GNG7: variants seen among roughly 807,000 people sequenced by gnomAD.
GNG7 encodes the protein G protein subunit gamma 7, also known as guanine nucleotide-binding protein G(I)/G(S)/G(O) subunit gamma-7.
In GNG7, 1 loss-of-function variant was observed where a neutral mutation model predicts 4.0. The observed-to-expected ratio is 0.25, with a 90% CI of 0.09 to 1.18. GNG7 has a LOEUF of 1.18. Ranked by LOEUF, GNG7 falls within the 50% of genes most tolerant of loss-of-function variation. The pLI is 0.50. For synonymous variants in GNG7, 34 were observed against 36.9 expected (o/e 0.92, Z 0.29); for missense variants, 86 against 91.9 (o/e 0.94, Z 0.26).
At position 2,613,118 on chromosome 19, in the gene GNG7, C is replaced by A. The variant is rs564301251; in HGVS notation, c.-78+33106G>T. Among the ~76,000 whole-genome samples, 49 of 151,950 alleles carry A rather than the reference C, an allele frequency of 3.2e-4. 1 individual carries two copies. Among genetic ancestry groups the A allele is most frequent in the African/African-American group, 1.2e-3 (48 of 41,286 alleles). On this transcript the variant is annotated intron_variant, in intron 2 of 4. Coordinates refer to ENST00000382159, the MANE Select transcript of GNG7 (RefSeq NM_052847.3). ...AGGGAAAGGGATGGTGTTTAAGGGA[C>A]GTGGAAAAGGAATTCAGACAAAGAA... is the stretch of plus-strand genomic sequence containing the variant.
chr19:2,692,465 C>G (rs1468952335), intron 1 of GNG7, among the ~76,000 whole-genome samples: 2 of 151,936 alleles, frequency 1.3e-5, no homozygotes, highest in Non-Finnish European at 2.9e-5. Context: ...GAAACCCCAT[C>G]TCTACTAAAA....
chr19:2,567,889 C>T (rs1005240232), intron 2 of GNG7, among the ~76,000 whole-genome samples: 2 of 152,158 alleles, frequency 1.3e-5, no homozygotes, highest in Middle Eastern at 3.2e-3. Context: ...CCGGGCACCA[C>T]GCGCTCAGGC....
At chr19:2,654,053 G>A (rs962088378) in intron 1 of GNG7, among the ~76,000 whole-genome samples, 1 of 152,178 alleles carries the variant, frequency 6.6e-6, no homozygotes, top group Non-Finnish European at 1.5e-5. Flanking sequence ...TGGCGGGGGC[G>A]GGGCCGTGTC....
Position 2,520,649 on chromosome 19 carries a change from C to G in GNG7, c.40G>C (p.Val14Leu). Reference sequence around the variant, plus strand: ...CCGGCTTCTATGCGTAGCTGTTCCACCAGCTTCCGGGCCTGGGCTATGTTG... The same window carrying G: ...CCGGCTTCTATGCGTAGCTGTTCCAGCAGCTTCCGGGCCTGGGCTATGTTG... ...TNNIAQARKL[V>L]EQLRIEAGIE... is the part of the protein sequence containing the mutation. Residue 14 changes from valine (V) to leucine (L), a missense_variant, in exon 4 of 5, where the codon GTG (valine) becomes CTG (leucine). By Grantham distance (32) the Val-to-Leu change is conservative. Transcript: ENST00000382159. The G allele has an allele frequency of 1.9e-6, 3 of 1,552,522 alleles. No individual in the cohort carries two copies. Among genetic ancestry groups the G allele is most frequent in the Non-Finnish European group, 2.6e-6 (3 of 1,145,306 alleles).
rs1178716537 is a variant in GNG7 at position 2,514,838 on chromosome 19, C to G, written c.*184G>C. Reference sequence around the variant, plus strand: ...ACCTACAAGGTCCATTCTACCCCATCCGGGCGGTGGGAACGCCTTTTTTGG... The same window carrying G: ...ACCTACAAGGTCCATTCTACCCCATGCGGGCGGTGGGAACGCCTTTTTTGG... On this transcript the variant is annotated 3_prime_UTR_variant, in exon 5 of 5. Coordinates refer to ENST00000382159, the MANE Select transcript of GNG7 (RefSeq NM_052847.3). The G allele has an allele frequency of 1.6e-5, 9 of 558,668 alleles. No homozygotes were observed. Among genetic ancestry groups the G allele is most frequent in the Non-Finnish European group, 2.9e-5 (9 of 313,314 alleles). 34.6% of individuals were successfully genotyped at this position (558,668 alleles called of 1,614,324 possible).
intron 1 of GNG7, among the ~76,000 whole-genome samples, chr19:2,648,296 C>T (rs916507727): frequency 3.3e-5 from 5 of 150,066 alleles, no homozygotes; most frequent in African/African-American, 4.9e-5. Context: ...CTTGGGAGGC[C>T]GAGGCAGGAG....
chr19:2,620,125 AGGT>A (rs1299012618), intron 2 of GNG7, among the ~76,000 whole-genome samples: 1 of 150,488 alleles, frequency 6.6e-6, no homozygotes, highest in South Asian at 2.1e-4. Flanking sequence ...TGAACCCGGG[AGGT>A]AGAGGTTGCA....
intron 2 of GNG7, among the ~76,000 whole-genome samples, chr19:2,638,103 G>A (rs1310174084): frequency 6.6e-6 from 1 of 151,892 alleles, no homozygotes; most frequent in African/African-American, 2.4e-5. Flanking sequence ...GGTGGCTCAC[G>A]CCTGTCACCC....
intron 4 of GNG7, among the ~76,000 whole-genome samples, chr19:2,516,748 G>A (rs1380941159): frequency 1.3e-5 from 2 of 152,196 alleles, no homozygotes; most frequent in Admixed American, 6.5e-5. Context: ...GCCCGGTGAG[G>A]ACGAGATAAG....
At position 2,659,220 on chromosome 19, in the gene GNG7, T is replaced by C. The variant is rs535709301; in HGVS notation, c.-134-12940A>G. 2.7e-3 allele frequency among the ~76,000 whole-genome samples: 410 copies of C among 150,536 alleles called. 2 individuals carry two copies. Among genetic ancestry groups the C allele is most frequent in the Admixed American group, 4.5e-3 (68 of 15,192 alleles). The stretch of plus-strand genomic sequence containing the variant: ...TCCTGACCTCGTGATCCGCCCACCT[T>C]GGCCTCCCAAAGTCCTGGGATGACA... On this transcript the variant is annotated intron_variant, in intron 1 of 4. Transcript: ENST00000382159.
chr19:2,680,144 C>CT (rs775146336), intron 1 of GNG7, among the ~76,000 whole-genome samples: 14,478 of 118,968 alleles, frequency 0.12, 1,314 homozygotes, highest in African/African-American at 0.18. Context: ...GACCTTGTCT[C>CT]TTTTTTTTTT....
chr19:2,582,564 C>G (rs1355308165), intron 2 of GNG7, among the ~76,000 whole-genome samples: 3 of 151,170 alleles, frequency 2.0e-5, no homozygotes, highest in Non-Finnish European at 4.4e-5. Flanking sequence ...CTCACTGCAG[C>G]TTGGACTTCC....
chr19:2,580,833 C>T (rs1461011281), intron 2 of GNG7, among the ~76,000 whole-genome samples: 1 of 151,886 alleles, frequency 6.6e-6, no homozygotes, highest in Non-Finnish European at 1.5e-5. Context: ...GGTGCAATCA[C>T]GGCTCACTGC....
At chr19:2,619,677 G>A (rs1309037134) in intron 2 of GNG7, among the ~76,000 whole-genome samples, 1 of 152,154 alleles carries the variant, frequency 6.6e-6, no homozygotes, top group Non-Finnish European at 1.5e-5. Context: ...AGAGGGCCAC[G>A]CAGTGTGTGA....
intron 2 of GNG7, among the ~76,000 whole-genome samples, chr19:2,641,476 G>A (rs1469995298): frequency 6.6e-6 from 1 of 152,018 alleles, no homozygotes; most frequent in African/African-American, 2.4e-5. Flanking sequence ...AACAGAGACT[G>A]GAAGAGGCTT....
intron 2 of GNG7, chr19:2,642,734 T>C: frequency 2.2e-6 from 1 of 452,344 alleles, no homozygotes; most frequent in South Asian, 1.6e-5. Flanking sequence ...GCTCAAGCCA[T>C]CCTCCTGCCT....
At chr19:2,567,705 G>A (rs1346852845) in intron 2 of GNG7, among the ~76,000 whole-genome samples, 1 of 152,088 alleles carries the variant, frequency 6.6e-6, no homozygotes, top group Non-Finnish European at 1.5e-5. Context: ...GCTGGAGCCG[G>A]AGACTGGGCC....
chr19:2,605,149 T>C (rs891342701), intron 2 of GNG7, among the ~76,000 whole-genome samples: 1 of 152,198 alleles, frequency 6.6e-6, no homozygotes, highest in Non-Finnish European at 1.5e-5. Flanking sequence ...CTCCAGTCTC[T>C]GCCTCCATCT....
chr19:2,539,339 C>T (rs1253121332), intron 3 of GNG7, among the ~76,000 whole-genome samples: 2 of 147,192 alleles, frequency 1.4e-5, no homozygotes, highest in Non-Finnish European at 3.0e-5. Context: ...GTGTTTCCCT[C>T]TTGTCACCCA....
Sources: allele counts gnomAD v4.1 joint callset (sites outside exome capture counted in the v4.1 genomes callset), GRCh38; gene constraint gnomAD v4.1.1; transcripts MANE v1.5; gene names NCBI Gene and HGNC (gene_info 2026-07-23, HGNC 2026-07-21).